The following NOSTRIN variants were observed in gnomAD, a reference collection of about 807,000 sequenced individuals.
NOSTRIN encodes nitric oxide synthase trafficking.
In NOSTRIN, 63 loss-of-function variants were observed where a neutral mutation model predicts 59.0. The observed-to-expected ratio is 1.07, with a 90% CI of 0.87 to 1.32. NOSTRIN has a LOEUF of 1.32. NOSTRIN is among the 40% of genes most tolerant of loss of function. The probability of loss-of-function intolerance (pLI) is 0.00; values close to 1 mark genes in which losing one functional copy is unlikely to be tolerated. For synonymous variants in NOSTRIN, 200 were observed against 165.4 expected (o/e 1.21, Z -1.61); for missense variants, 512 against 473.1 (o/e 1.08, Z -0.76).
chr2:168,808,900 T>C (rs948937016), intron 1 of NOSTRIN, among the ~76,000 whole-genome samples: 4 of 152,074 alleles, frequency 2.6e-5, no homozygotes. Context: ...AAATAAATTA[T>C]GAAAAGGAAA....
At chr2:168,826,220 G>GAGGGTTGT (rs1553524020) in intron 3 of NOSTRIN, among the ~76,000 whole-genome samples, 1 of 151,042 alleles carries the variant, frequency 6.6e-6, no homozygotes, top group Non-Finnish European at 1.5e-5. Context: ...CCTAAGGAAT[G>GAGGGTTGT]AGGGGTGTAG....
In NOSTRIN at chr2:168,844,641, C is replaced by T. The variant is rs187956659; in HGVS notation, c.630+1524C>T. Among the ~76,000 whole-genome samples, 11 of 152,204 alleles carry T rather than the reference C, an allele frequency of 7.2e-5. No homozygotes were observed. The East Asian group carries it at 1.9e-3, about 27-fold the overall frequency. On this transcript the variant is annotated intron_variant, in intron 8 of 15. Coordinates refer to ENST00000317647, the MANE Select transcript of NOSTRIN (RefSeq NM_001039724.4). ...ATCCCAGCACTTTGGGAGGCAGAGGCGGGCGGATCAAGAGGTCAGGAGATC... is the reference window on the plus strand; with the variant it reads ...ATCCCAGCACTTTGGGAGGCAGAGGTGGGCGGATCAAGAGGTCAGGAGATC...
chr2:168,810,651 A>T (rs549357760), intron 1 of NOSTRIN, among the ~76,000 whole-genome samples: 1 of 152,368 alleles, frequency 6.6e-6, no homozygotes, highest in Admixed American at 6.5e-5. Context: ...AAAGAACAGC[A>T]CAGCCCTCAA....
chr2:168,820,718 C>CAAAA (rs11452657), intron 2 of NOSTRIN, among the ~76,000 whole-genome samples: 24 of 132,968 alleles, frequency 1.8e-4, no homozygotes, highest in African/African-American at 6.8e-4. Context: ...AAAAGCTGGC[C>CAAAA]AAAAAAAAAA....
At chr2:168,862,189 T>TAAAAC in intron 15 of NOSTRIN, 140 bp downstream of exon 15, 2 of 703,482 alleles carry the variant, frequency 2.8e-6, no homozygotes, top group Non-Finnish European at 4.9e-6. Context: ...TAAGCACATC[T>TAAAAC]AAAACAAAAG....
At chr2:168,837,503 A>G (rs549372277) in intron 7 of NOSTRIN, among the ~76,000 whole-genome samples, 34 of 151,486 alleles carry the variant, frequency 2.2e-4, no homozygotes, top group South Asian at 2.1e-3. Flanking sequence ...TAGAGATGGG[A>G]TTTCACCGAG....
chr2:168,834,119 T>A (rs530085079), intron 6 of NOSTRIN, 108 bp from the exon 7 acceptor site: 3 of 653,406 alleles, frequency 4.6e-6, no homozygotes, highest in Non-Finnish European at 8.2e-6. Flanking sequence ...CTAGGATACA[T>A]AATTGTTAAA....
At chr2:168,807,404 A>G (rs991560335) in intron 1 of NOSTRIN, among the ~76,000 whole-genome samples, 5 of 152,210 alleles carry the variant, frequency 3.3e-5, no homozygotes, top group Non-Finnish European at 5.9e-5. Context: ...AGAATGATTG[A>G]TTCTAAATAA....
chr2:168,856,803 C>G, intron 12 of NOSTRIN, 25 bp downstream of exon 12: 1 of 1,601,156 alleles, frequency 6.2e-7, no homozygotes, highest in Non-Finnish European at 8.6e-7. Context: ...AGTGCATTTC[C>G]TAGATGTAGT....
At chr2:168,848,324 T>A (rs546001961) in intron 8 of NOSTRIN, among the ~76,000 whole-genome samples, 1 of 152,330 alleles carries the variant, frequency 6.6e-6, no homozygotes, top group South Asian at 2.1e-4. Context: ...TGTGAAAGCC[T>A]CAGGGGACTG....
intron 8 of NOSTRIN, among the ~76,000 whole-genome samples, chr2:168,850,097 GAGA>G (rs1234934640): frequency 5.4e-4 from 82 of 152,000 alleles, no homozygotes; most frequent in African/African-American, 2.0e-3. Context: ...ATTTTTAGTA[GAGA>G]TAAGGTTTCA....
In NOSTRIN at chr2:168,813,552, G is replaced by A. The variant is rs117678579; in HGVS notation, c.113+1900G>A. Among the ~76,000 whole-genome samples the A allele has an allele frequency of 9.7e-4, 148 of 152,104 alleles. 5 individuals are homozygous for A. The East Asian group carries it at 0.027, about 28-fold the overall frequency. ...TTTGTTTTCTTGAAGTCTCTTCCTAGGGCTGCCATCTGCCCTGGACCTATT... is the reference window on the plus strand; with the variant it reads ...TTTGTTTTCTTGAAGTCTCTTCCTAAGGCTGCCATCTGCCCTGGACCTATT... On this transcript the variant is annotated intron_variant, in intron 2 of 15. Transcript: ENST00000317647.
rs116527261 is a variant in NOSTRIN, at chr2:168,838,529, C to A, written c.504+4204C>A. On this transcript the variant is annotated intron_variant, in intron 7 of 15. Coordinates refer to ENST00000317647, the MANE Select transcript of NOSTRIN (RefSeq NM_001039724.4). ...TACTGGGATTACAGGCGCGAGCCAC[C>A]GTGCCCAGCCCCAAATACTTCTTGA... Among the ~76,000 whole-genome samples, 796 of 152,292 alleles carry A rather than the reference C, an allele frequency of 5.2e-3. 28 individuals carry two copies. The East Asian group carries it at 0.085, about 16-fold the overall frequency.
rs559970545 is a variant in NOSTRIN at position 168,802,673 on chromosome 2, G to A, written c.27G>A (p.Pro9=). 2.6e-5 allele frequency: 23 copies of A among 869,384 alleles called. No individual in the cohort carries two copies. Among genetic ancestry groups the A allele is most frequent in the Admixed American group, 5.1e-5 (3 of 58,868 alleles). The allele number at this position is 869,384 out of a possible 1,614,324, so 53.9% of individuals were successfully genotyped here. The change falls in exon 1 of 16, where the codon CCG becomes CCA. Residue 9 remains proline, a splice_region_variant and synonymous_variant. Transcript: ENST00000317647. ...TGAGGGACCCACTGACAGATTGTCC[G>A]GTGAGTAGCTCAGTGTGGTTTGTGT... MRDPLTDC[P]YNKVYKNLKE...
At chr2:168,814,134 T>C (rs1686283504) in intron 2 of NOSTRIN, among the ~76,000 whole-genome samples, 1 of 152,230 alleles carries the variant, frequency 6.6e-6, no homozygotes, top group African/African-American at 2.4e-5. Flanking sequence ...TTGTATACTT[T>C]TAGACAGCAT....
chr2:168,819,870 C>A (rs1011025923), intron 2 of NOSTRIN, among the ~76,000 whole-genome samples: 3 of 152,114 alleles, frequency 2.0e-5, no homozygotes, highest in Non-Finnish European at 4.4e-5. Context: ...GTCAGAGTCC[C>A]CATCCTTCCC....
At chr2:168,830,003 T>G (rs1687277387) in intron 5 of NOSTRIN, among the ~76,000 whole-genome samples, 1 of 152,240 alleles carries the variant, frequency 6.6e-6, no homozygotes. Context: ...GATGTTTGTA[T>G]GTACATAGGT....
At chr2:168,800,502 G>A (rs756153856), upstream of NOSTRIN, among the ~76,000 whole-genome samples, 18 of 152,274 alleles carry the variant, frequency 1.2e-4, no homozygotes, top group Non-Finnish European at 2.4e-4. Flanking sequence ...TGGCAGACAG[G>A]AGCAAGATGG....
At chr2:168,850,596 A>ATT (rs546749506) in intron 8 of NOSTRIN, among the ~76,000 whole-genome samples, 66 of 139,248 alleles carry the variant, frequency 4.7e-4, no homozygotes, top group Non-Finnish European at 6.6e-4. Flanking sequence ...ATTCTTCCCA[A>ATT]TTTTTTTTTT....
Sources: gnomAD v4.1 joint callset for allele counts (sites outside exome capture counted in the v4.1 genomes callset) on GRCh38, gnomAD v4.1.1 for gene constraint, MANE v1.5 for transcripts, NCBI Gene and HGNC (gene_info 2026-07-23, HGNC 2026-07-21) for gene names.